Variants in BCKDK observed in about 807,000 individuals in gnomAD.
BCKDK encodes branched chain keto acid dehydrogenase kinase, also known as branched-chain alpha-ketoacid dehydrogenase kinase.
In BCKDK, 28 loss-of-function variants were observed where a neutral mutation model predicts 43.9. That is an observed-to-expected ratio of 0.64 (90% CI 0.47 to 0.87). BCKDK has a LOEUF of 0.87. Among genes scored for constraint, BCKDK ranks in the 40% least tolerant of loss-of-function variants. BCKDK has a pLI of 0.00. For synonymous variants in BCKDK, 257 were observed against 234.3 expected (o/e 1.10, Z -0.88); for missense variants, 483 against 581.4 (o/e 0.83, Z 1.74).
chr16:31,117,532 G>A (rs1316619410), downstream of BCKDK: 1 of 574,298 alleles, frequency 1.7e-6, no homozygotes, highest in Non-Finnish European at 2.7e-6. Flanking sequence ...TCCAACTCGC[G>A]GGGCCGCGGG....
chr16:31,116,475 G>A (rs927363564), downstream of BCKDK, among the ~76,000 whole-genome samples: 1 of 151,976 alleles, frequency 6.6e-6, no homozygotes, highest in Non-Finnish European at 1.5e-5. Flanking sequence ...GAGATTACAG[G>A]CGTGAGCCAC....
downstream of BCKDK, chr16:31,117,544 A>T: frequency 1.6e-6 from 1 of 630,372 alleles, no homozygotes; most frequent in Non-Finnish European, 2.4e-6. Flanking sequence ...GGCCGCGGGG[A>T]CGGCCACAGA....
downstream of BCKDK, among the ~76,000 whole-genome samples, chr16:31,113,366 A>G (rs989962286): frequency 3.9e-5 from 6 of 152,240 alleles, no homozygotes; most frequent in Non-Finnish European, 8.8e-5. Flanking sequence ...GACTTGCTAG[A>G]CTGAAAAATC....
rs1212370224 is a variant in BCKDK at position 31,112,317 on chromosome 16, A to G, written c.*52A>G. On this transcript the variant is annotated 3_prime_UTR_variant, in exon 12 of 12. Transcript: ENST00000219794. This position sits in a 1 kb window ranked among gnomAD's most constrained non-coding sequence, Gnocchi z 5.0. ...GACCAGCCTGGGCCGCATTCCCTGCAGGACCTCCCGGGTCAGGCAGGGCGG... is the reference window on the plus strand; with the variant it reads ...GACCAGCCTGGGCCGCATTCCCTGCGGGACCTCCCGGGTCAGGCAGGGCGG... The G allele has an allele frequency of 6.2e-7, 1 of 1,600,896 alleles. No homozygotes were observed. Among genetic ancestry groups the G allele is most frequent in the Non-Finnish European group, 8.5e-7 (1 of 1,179,706 alleles).
chr16:31,109,240 T>C lies in BCKDK; in HGVS notation c.17T>C (p.Val6Ala), dbSNP rs1215839982. ...AGCAAGACGATGATCCTGGCGTCGG[T>C]GCTGAGGAGCGGTCCCGGGGGCGGG... MILASVLRSGPGGGLP... is the reference protein window; with the variant it reads MILASALRSGPGGGLP... Residue 6 changes from valine (V) to alanine (A), a missense_variant, in exon 2 of 12, where the codon GTG (valine) becomes GCG (alanine). Val to Ala is a moderately conservative substitution (Grantham distance 64). Transcript: ENST00000219794. The surrounding 1 kb of genome is among the most constrained non-coding windows in gnomAD (Gnocchi z 5.3). 2 of 1,528,700 alleles carry C rather than the reference T, an allele frequency of 1.3e-6. No individual in the cohort carries two copies. The highest frequency in any genetic ancestry group is 2.5e-5 in the South Asian group (2 of 79,038). 94.7% of individuals were successfully genotyped at this position (1,528,700 alleles called of 1,614,324 possible). A position where few individuals can be genotyped will look rare whatever the true frequency, so the allele number is the denominator to read the frequency against.
In BCKDK at chr16:31,112,172, G is replaced by C; in HGVS notation, c.1146G>C (p.Gly382=). The change falls in exon 12 of 12, where the codon GGG becomes GGC. Residue 382 remains glycine (G), a synonymous_variant. Transcript: ENST00000219794. This position sits in a 1 kb window ranked among gnomAD's most constrained non-coding sequence, Gnocchi z 5.0. ...GGGCCTACGCGGAGTACCTCGGTGG[G>C]TCTCTGCAGCTGCAGTCCCTGCAGG... The part of the protein sequence containing the change: ...TSRAYAEYLG[G]SLQLQSLQGI... The C allele has an allele frequency of 6.2e-7, 1 of 1,613,316 alleles. No individual in the cohort carries two copies. Among genetic ancestry groups the C allele is most frequent in the Non-Finnish European group, 8.5e-7 (1 of 1,179,944 alleles).
Position 31,112,117 on chromosome 16 carries a change from C to G in BCKDK, c.1095-4C>G. The G allele has an allele frequency of 6.2e-7, 1 of 1,608,262 alleles. No individual in the cohort carries two copies. Among genetic ancestry groups the G allele is most frequent in the African/African-American group, 1.3e-5 (1 of 74,962 alleles). On this transcript the variant is annotated splice_polypyrimidine_tract_variant and splice_region_variant and intron_variant, in intron 11 of 11. Coordinates refer to ENST00000219794, the MANE Select transcript of BCKDK (RefSeq NM_005881.4). This position sits in a 1 kb window ranked among gnomAD's most constrained non-coding sequence, Gnocchi z 5.0. ...TCCTGTCCTGTCCCCCTGCCCACCC[C>G]CAGCTTTGGCTTCGGGTTGCCCACG...
intron 8 of BCKDK, 58 bp from the exon 9 acceptor site, chr16:31,111,033 T>A (rs1040256808): frequency 1.2e-6 from 2 of 1,602,672 alleles, no homozygotes; most frequent in Non-Finnish European, 1.7e-6. Flanking sequence ...CAGAATTGTT[T>A]CCAGTTGCAA....
In BCKDK at chr16:31,112,719, T is replaced by C. The variant is rs144153917; in HGVS notation, c.*454T>C. On this transcript the variant is annotated 3_prime_UTR_variant, in exon 12 of 12. Coordinates refer to ENST00000219794, the MANE Select transcript of BCKDK (RefSeq NM_005881.4). The surrounding 1 kb of genome is among the most constrained non-coding windows in gnomAD (Gnocchi z 5.0). ...AGGAGTAGAATGGGTCCCAAGTCTG[T>C]TGCATGTTTGATTTGGTGGGAGTGG... 8 of 317,828 alleles carry C rather than the reference T, an allele frequency of 2.5e-5. No homozygotes were observed. Among genetic ancestry groups the C allele is most frequent in the Non-Finnish European group, 4.3e-5 (7 of 164,488 alleles). 19.7% of individuals were successfully genotyped at this position (317,828 alleles called of 1,614,324 possible).
Position 31,110,933 on chromosome 16 carries a change from A to C in BCKDK, c.717-158A>C. On this transcript the variant is annotated intron_variant, in intron 8 of 11. Coordinates refer to ENST00000219794, the MANE Select transcript of BCKDK (RefSeq NM_005881.4). The surrounding 1 kb of genome is among the most constrained non-coding windows in gnomAD (Gnocchi z 5.4). ...CAGGGGCTGCCCCGTGCACGTTAGG[A>C]AGTTCAGCAGCATCCCTGGCGCCAG... 7.4e-7 allele frequency: 1 copy of C among 1,356,242 alleles called. No homozygotes were observed. The allele number at this position is 1,356,242 out of a possible 1,614,324, so 84.0% of individuals were successfully genotyped here. A position where few individuals can be genotyped will look rare whatever the true frequency, so the allele number is the denominator to read the frequency against.
At chr16:31,115,082 C>T (rs1253045103), downstream of BCKDK, among the ~76,000 whole-genome samples, 1 of 151,870 alleles carries the variant, frequency 6.6e-6, no homozygotes, top group African/African-American at 2.4e-5. Context: ...ACGCCACCAC[C>T]CCTGACTGTT....
rs781279805 is a variant in BCKDK, at chr16:31,112,058, T to G, written c.1094+31T>G. Reference sequence around the variant, plus strand: ...ACCCTGCCAGGCCAGGATGGAGGGGTGGGGGACCCCAGGAGACTCAAGCCT... The same window carrying G: ...ACCCTGCCAGGCCAGGATGGAGGGGGGGGGGACCCCAGGAGACTCAAGCCT... On this transcript the variant is annotated intron_variant, in intron 11 of 11. Coordinates refer to ENST00000219794, the MANE Select transcript of BCKDK (RefSeq NM_005881.4). The surrounding 1 kb of genome is among the most constrained non-coding windows in gnomAD (Gnocchi z 5.0). 1 of 1,612,626 alleles carries G rather than the reference T, an allele frequency of 6.2e-7. No individual in the cohort carries two copies. Among genetic ancestry groups the G allele is most frequent in the Non-Finnish European group, 8.5e-7 (1 of 1,179,330 alleles).
At position 31,112,071 on chromosome 16, in the gene BCKDK, G is replaced by T; in HGVS notation, c.1094+44G>T. On this transcript the variant is annotated intron_variant, in intron 11 of 11. Transcript: ENST00000219794. This position sits in a 1 kb window ranked among gnomAD's most constrained non-coding sequence, Gnocchi z 5.0. ...AGGATGGAGGGGTGGGGGACCCCAG[G>T]AGACTCAAGCCTCTGAAGCCTCCTG... The T allele has an allele frequency of 6.2e-7, 1 of 1,611,748 alleles. No individual in the cohort carries two copies. The highest frequency in any genetic ancestry group is 8.5e-7 in the Non-Finnish European group (1 of 1,178,748).
Position 31,112,525 on chromosome 16 carries a change from C to T in BCKDK, c.*260C>T. 4 of 601,292 alleles carry T rather than the reference C, an allele frequency of 6.7e-6. No homozygotes were observed. The highest frequency in any genetic ancestry group is 8.9e-6 in the Non-Finnish European group (3 of 336,314). 37.2% of individuals were successfully genotyped at this position (601,292 alleles called of 1,614,324 possible). ...TTCCGTCATTCTCGTTCCTGGGGAA[C>T]CCCCACTCTGACCTGTTATTAAAGT... On this transcript the variant is annotated 3_prime_UTR_variant, in exon 12 of 12. Coordinates refer to ENST00000219794, the MANE Select transcript of BCKDK (RefSeq NM_005881.4). The surrounding 1 kb of genome is among the most constrained non-coding windows in gnomAD (Gnocchi z 5.0).
rs1440259857 is a variant in BCKDK at position 31,110,642 on chromosome 16, G to GT, written c.643-45dup. On this transcript the variant is annotated intron_variant, in intron 7 of 11. Coordinates refer to ENST00000219794, the MANE Select transcript of BCKDK (RefSeq NM_005881.4). The surrounding 1 kb of genome is among the most constrained non-coding windows in gnomAD (Gnocchi z 5.4). ...GTTCCGAAGTTGCCAGCATCTTGGGGTGGGGCTAGGGGCGTGGGTAGTCCT... is the reference window on the plus strand; with the variant it reads ...GTTCCGAAGTTGCCAGCATCTTGGGGTTGGGGCTAGGGGCGTGGGTAGTCCT... The GT allele has an allele frequency of 1.2e-6, 2 of 1,605,488 alleles. No homozygotes were observed. The highest frequency in any genetic ancestry group is 1.7e-6 in the Non-Finnish European group (2 of 1,172,492).
At chr16:31,117,402 T>TAAATAAATAAATAAATAAATAAATA, downstream of BCKDK, 1 of 180,830 alleles carries the variant, frequency 5.5e-6, no homozygotes, top group South Asian at 3.4e-4. Context: ...ATAAATAAAT[T>TAAATAAATAAATAAATAAATAAATA]AAAAAAAGGT....
At chr16:31,117,153 C>G (rs2057451876), downstream of BCKDK, among the ~76,000 whole-genome samples, 1 of 151,844 alleles carries the variant, frequency 6.6e-6, no homozygotes, top group South Asian at 2.1e-4. Flanking sequence ...TGGCAGATCA[C>G]GAGGTCAAGA....
At position 31,110,151 on chromosome 16, in the gene BCKDK, G is replaced by A. The variant is rs1211170227; in HGVS notation, c.423+27G>A. Reference sequence around the variant, plus strand: ...TGAGTGCTGGGCCAGAGCAGGGTGAGGGGCTGAGAGGTTGGGCTTGGACCA... The same window carrying A: ...TGAGTGCTGGGCCAGAGCAGGGTGAAGGGCTGAGAGGTTGGGCTTGGACCA... On this transcript the variant is annotated intron_variant, in intron 5 of 11. Transcript: ENST00000219794. The surrounding 1 kb of genome is among the most constrained non-coding windows in gnomAD (Gnocchi z 5.4). The A allele has an allele frequency of 3.1e-6, 5 of 1,614,092 alleles. No individual in the cohort carries two copies. The highest frequency in any genetic ancestry group is 4.5e-5 in the East Asian group (2 of 44,902).
downstream of BCKDK, chr16:31,116,014 C>T (rs2057443346): frequency 6.6e-6 from 1 of 152,116 alleles, no homozygotes; most frequent in African/African-American, 2.4e-5. Flanking sequence ...CGGGTTCACA[C>T]CATTCTCCTG....
Sources: gnomAD v4.1 joint callset for allele counts (sites outside exome capture counted in the v4.1 genomes callset) on GRCh38, gnomAD v4.1.1 for gene constraint, Gnocchi (gnomAD v3.1) non-coding constraint, MANE v1.5 for transcripts, NCBI Gene and HGNC (gene_info 2026-07-23, HGNC 2026-07-21) for gene names.